The following KSR1 variants were observed in gnomAD, a reference collection of about 807,000 sequenced individuals.
KSR1 encodes the protein kinase suppressor of ras.
Under a neutral mutation model 92.9 loss-of-function variants are expected in KSR1, and 35 were observed. The ratio of observed to expected loss-of-function variants is 0.38; its 90% CI spans 0.29 to 0.50. The LOEUF (loss-of-function observed/expected upper bound fraction) is 0.50. Ranked by LOEUF, KSR1 falls within the 20% of genes least tolerant of loss-of-function variation. KSR1 has a pLI of 0.94. For synonymous variants in KSR1, 467 were observed against 472.6 expected (o/e 0.99, Z 0.15); for missense variants, 972 against 1,158.5 (o/e 0.84, Z 2.34).
rs2073385226 is a variant in KSR1 at position 27,597,418 on chromosome 17, A to G, written c.1450A>G (p.Ser484Gly). The G allele has an allele frequency of 6.2e-7, 1 of 1,607,942 alleles. No homozygotes were observed. The highest frequency in any genetic ancestry group is 2.2e-5 in the East Asian group (1 of 44,746). ...PPNPSPGQRD[S>G]RFNFPAAYFI... ...CAACCCCTCACCTGGCCAGCGGGAC[A>G]GCAGGTTCAACTTCCCAGGTACCAC... Residue 484 changes from serine (S) to glycine (G), a missense_variant, in exon 10 of 21, where the codon AGC becomes GGC. By Grantham distance (56) the Ser-to-Gly change is moderately conservative. Transcript: ENST00000644974.
chr17:27,617,536 G>GT lies in KSR1; in HGVS notation c.2627+116dup, dbSNP rs565885821. 2.8e-3 allele frequency: 3,691 copies of GT among 1,319,830 alleles called. 7 individuals carry two copies. Among genetic ancestry groups the GT allele is most frequent in the Non-Finnish European group, 3.4e-3 (3,309 of 979,676 alleles). The allele number at this position is 1,319,830 out of a possible 1,614,324, so 81.8% of individuals were successfully genotyped here. ...TCTGCCCAAGACTTTGTTTTTTGGGGTTTTTTTTGAGACAGAGTCTCGCTC... is the reference window on the plus strand; with the variant it reads ...TCTGCCCAAGACTTTGTTTTTTGGGGTTTTTTTTTGAGACAGAGTCTCGCTC... On this transcript the variant is annotated intron_variant, in intron 19 of 20. Coordinates refer to ENST00000644974, the MANE Select transcript of KSR1 (RefSeq NM_001394583.1).
chr17:27,549,725 T>C (rs942679290), intron 1 of KSR1, among the ~76,000 whole-genome samples: 7 of 152,212 alleles, frequency 4.6e-5, no homozygotes, highest in African/African-American at 1.7e-4. Flanking sequence ...TGCTGCTCAG[T>C]GGTCATGGCT....
intron 1 of KSR1, among the ~76,000 whole-genome samples, chr17:27,468,192 T>C (rs1432992480): frequency 6.6e-6 from 1 of 151,970 alleles, no homozygotes; most frequent in Non-Finnish European, 1.5e-5. Flanking sequence ...TGACCACCTC[T>C]GTGTAGTGAT....
chr17:27,592,732 C>T (rs564348873), intron 9 of KSR1, 106 bp downstream of exon 9: 31 of 879,600 alleles, frequency 3.5e-5, no homozygotes, highest in South Asian at 1.5e-4. Flanking sequence ...ATGACACCAC[C>T]GTCTCAGATT....
rs114547543 is a variant in KSR1 at position 27,615,237 on chromosome 17, G to T, written c.2494-2058G>T. 2.9e-3 allele frequency among the ~76,000 whole-genome samples: 435 copies of T among 152,338 alleles called. 2 individuals carry two copies. The highest frequency in any genetic ancestry group is 9.5e-3 in the African/African-American group (393 of 41,576). ...TCTCCCATTACTTATTGTTAAGGTT[G>T]CCATGATTAAATCTTCCATGCTGTG... On this transcript the variant is annotated intron_variant, in intron 18 of 20. Transcript: ENST00000644974.
intron 6 of KSR1, 66 bp downstream of exon 6, chr17:27,588,601 G>A: frequency 5.7e-6 from 8 of 1,399,268 alleles, no homozygotes; most frequent in Non-Finnish European, 7.8e-6. Context: ...GGGGCCAGGA[G>A]TTCTGGTCAC....
At chr17:27,500,050 G>A (rs139092595) in intron 1 of KSR1, among the ~76,000 whole-genome samples, 9 of 152,278 alleles carry the variant, frequency 5.9e-5, no homozygotes, top group East Asian at 3.9e-4. Flanking sequence ...AGGCACCTTC[G>A]GCGTCTGCCG....
chr17:27,566,643 C>G, intron 2 of KSR1: 1 of 398,564 alleles, frequency 2.5e-6, no homozygotes, highest in Non-Finnish European at 4.4e-6. Context: ...TTGCTAGACT[C>G]TGAGTCCCTG....
chr17:27,566,442 T>G (rs1000306048), intron 2 of KSR1: 2 of 399,124 alleles, frequency 5.0e-6, no homozygotes, highest in Non-Finnish European at 8.8e-6. Context: ...GACCCTGGGC[T>G]CAGGCCCCCT....
intron 2 of KSR1, among the ~76,000 whole-genome samples, chr17:27,563,214 A>C (rs2071905784): frequency 6.6e-6 from 1 of 151,980 alleles, no homozygotes; most frequent in Admixed American, 6.6e-5. Flanking sequence ...GTTTTAGCAA[A>C]TCCGGTTATG....
chr17:27,558,706 T>G (rs1426678840), intron 2 of KSR1, among the ~76,000 whole-genome samples: 3 of 149,858 alleles, frequency 2.0e-5, no homozygotes, highest in South Asian at 2.1e-4. Context: ...GTTTTTTGTT[T>G]TTTTTTTTTT....
At chr17:27,570,080 A>G (rs2072245966) in intron 2 of KSR1, among the ~76,000 whole-genome samples, 1 of 152,220 alleles carries the variant, frequency 6.6e-6, no homozygotes, top group South Asian at 2.1e-4. Context: ...AAAAGGGAAC[A>G]TGGAGAGACC....
chr17:27,620,701 G>A (rs1171386861), intron 19 of KSR1, among the ~76,000 whole-genome samples: 1 of 152,152 alleles, frequency 6.6e-6, no homozygotes, highest in Non-Finnish European at 1.5e-5. Context: ...GTGAGGCAGC[G>A]AGGCCAAGCT....
chr17:27,522,651 G>T (rs998129792), intron 1 of KSR1, among the ~76,000 whole-genome samples: 2 of 152,158 alleles, frequency 1.3e-5, no homozygotes, highest in African/African-American at 4.8e-5. Context: ...ATTGGAGAGG[G>T]CTTGAGTGAG....
chr17:27,559,895 A>G lies in KSR1; in HGVS notation c.372+9187A>G, dbSNP rs1014252589. Among the ~76,000 whole-genome samples, 1 of 152,340 alleles carries G rather than the reference A, an allele frequency of 6.6e-6. No individual in the cohort carries two copies. The highest frequency in any genetic ancestry group is 2.4e-5 in the African/African-American group (1 of 41,594). ...GATTCCTGCAGCTCTCCCTGTGTGC[A>G]GTGTAGGGGTTGGGGCTCCTCTTAG... is the stretch of plus-strand genomic sequence containing the variant. On this transcript the variant is annotated intron_variant, in intron 2 of 20. Coordinates refer to ENST00000644974, the MANE Select transcript of KSR1 (RefSeq NM_001394583.1). The surrounding 1 kb of genome is among the most constrained non-coding windows in gnomAD (Gnocchi z 4.2).
chr17:27,483,117 A>T (rs1467090055), intron 1 of KSR1, among the ~76,000 whole-genome samples: 1 of 152,208 alleles, frequency 6.6e-6, no homozygotes, highest in Admixed American at 6.5e-5. Flanking sequence ...CAGGTAAAAA[A>T]ATAGATTTTT....
At chr17:27,519,071 C>G (rs1211240088) in intron 1 of KSR1, among the ~76,000 whole-genome samples, 2 of 152,286 alleles carry the variant, frequency 1.3e-5, no homozygotes, top group South Asian at 2.1e-4. Context: ...TCTCACCATG[C>G]CCTGGGCTGC....
intron 1 of KSR1, among the ~76,000 whole-genome samples, chr17:27,478,751 G>C (rs1480548705): frequency 6.6e-6 from 1 of 152,124 alleles, no homozygotes; most frequent in Non-Finnish European, 1.5e-5. Flanking sequence ...GGGAAGTGGG[G>C]AAGTCTTGGG....
intron 1 of KSR1, among the ~76,000 whole-genome samples, chr17:27,547,755 C>G (rs2071232817): frequency 6.6e-6 from 1 of 152,160 alleles, no homozygotes; most frequent in African/African-American, 2.4e-5. Context: ...CTAAGGCTGG[C>G]AGGCTGGGGT....
Sources: gnomAD v4.1 joint callset for allele counts (sites outside exome capture counted in the v4.1 genomes callset) on GRCh38, gnomAD v4.1.1 for gene constraint, Gnocchi (gnomAD v3.1) non-coding constraint, MANE v1.5 for transcripts, NCBI Gene and HGNC (gene_info 2026-07-23, HGNC 2026-07-21) for gene names.